Variants in BMPR2 observed in about 807,000 individuals in gnomAD.
The protein encoded by BMPR2 is bone morphogenetic protein receptor type 2.
Under a neutral mutation model 100.8 loss-of-function variants are expected in BMPR2, and 29 were observed. That is an observed-to-expected ratio of 0.29 (90% CI 0.21 to 0.39). BMPR2 has a LOEUF of 0.39. Ranked by LOEUF, BMPR2 falls within the 10% of genes least tolerant of loss-of-function variation. The pLI is 1.00. For synonymous variants in BMPR2, 382 were observed against 442.3 expected, an observed-to-expected ratio of 0.86 and a Z score of 1.71; for missense variants, 1,011 against 1,274.5, an observed-to-expected ratio of 0.79 and a Z score of 3.15.
intron 5 of BMPR2, 118 bp downstream of exon 5, chr2:202,515,097 C>T (rs1687689692): frequency 2.7e-6 from 3 of 1,093,840 alleles, no homozygotes; most frequent in South Asian, 1.3e-5. Flanking sequence ...TACTAAATTA[C>T]AATTTTTTGT....
chr2:202,376,817 C>T lies in BMPR2; in HGVS notation c.-658C>T, dbSNP rs1690156880. 2 of 403,376 alleles carry T rather than the reference C, an allele frequency of 5.0e-6. No individual in the cohort carries two copies. The allele number at this position is 403,376 out of a possible 1,614,324, so 25.0% of individuals were successfully genotyped here. On this transcript the variant is annotated 5_prime_UTR_variant, in exon 1 of 13. Coordinates refer to ENST00000374580, the MANE Select transcript of BMPR2 (RefSeq NM_001204.7). ...TCTCCTCAGCCTTCGCCAGGGCCTC[C>T]CCAACCCTCTCACGGTTGTTCTGCG...
chr2:202,440,367 C>T lies in BMPR2; in HGVS notation c.77-24442C>T, dbSNP rs1204630602. ...GCACAGGCGCTCCTCACATCCCAGA[C>T]GGGGCGGCGGGGCAGAGGCGCTCCC... On this transcript the variant is annotated intron_variant, in intron 1 of 12. Transcript: ENST00000374580. Among the ~76,000 whole-genome samples the T allele has an allele frequency of 4.1e-5, 6 of 148,136 alleles. 1 individual carries two copies. Among genetic ancestry groups the T allele is most frequent in the African/African-American group, 1.3e-4 (5 of 38,446 alleles).
intron 1 of BMPR2, among the ~76,000 whole-genome samples, chr2:202,454,932 G>C (rs1303303416): frequency 6.6e-6 from 1 of 152,140 alleles, no homozygotes; most frequent in Non-Finnish European, 1.5e-5. Flanking sequence ...CCTGGTAAGG[G>C]CTCTATTCCT....
chr2:202,550,268 G>A (rs1036533714), intron 10 of BMPR2, among the ~76,000 whole-genome samples: 2 of 151,642 alleles, frequency 1.3e-5, no homozygotes, highest in African/African-American at 2.4e-5. Flanking sequence ...AGCTACTCGC[G>A]AGGCTGAGGC....
At position 202,440,376 on chromosome 2, in the gene BMPR2, G is replaced by C. The variant is rs964280060; in HGVS notation, c.77-24433G>C. Among the ~76,000 whole-genome samples the C allele has an allele frequency of 2.7e-5, 4 of 148,174 alleles. 1 individual carries two copies. The highest frequency in any genetic ancestry group is 1.0e-4 in the African/African-American group (4 of 38,484). ...CTCCTCACATCCCAGACGGGGCGGCGGGGCAGAGGCGCTCCCCACATCTCA... is the reference window on the plus strand; with the variant it reads ...CTCCTCACATCCCAGACGGGGCGGCCGGGCAGAGGCGCTCCCCACATCTCA... On this transcript the variant is annotated intron_variant, in intron 1 of 12. Transcript: ENST00000374580.
chr2:202,424,474 G>T (rs970860164), intron 1 of BMPR2, among the ~76,000 whole-genome samples: 1 of 151,060 alleles, frequency 6.6e-6, no homozygotes, highest in African/African-American at 2.4e-5. Flanking sequence ...GAGGCGGGTG[G>T]ATCACGAGGC....
chr2:202,406,753 C>T (rs909463775), intron 1 of BMPR2, among the ~76,000 whole-genome samples: 7 of 152,110 alleles, frequency 4.6e-5, no homozygotes, highest in African/African-American at 1.4e-4. Context: ...GAGGCTGTGA[C>T]TTGGTAATTC....
At chr2:202,486,973 A>G (rs75040639) in intron 3 of BMPR2, among the ~76,000 whole-genome samples, 15,138 of 152,222 alleles carry the variant, frequency 0.099, 989 homozygotes, top group South Asian at 0.25. Context: ...TGGAGGCTAC[A>G]GTGAGCTGTG....
At chr2:202,517,221 T>TAAA (rs757696369) in intron 5 of BMPR2, among the ~76,000 whole-genome samples, 26 of 130,182 alleles carry the variant, frequency 2.0e-4, no homozygotes, top group African/African-American at 7.1e-4. Context: ...CTATCTCAAT[T>TAAA]AAAAAAAAAA....
rs539956230 is a variant in BMPR2 at position 202,490,498 on chromosome 2, A to G, written c.418+22809A>G. On this transcript the variant is annotated intron_variant, in intron 3 of 12. Transcript: ENST00000374580. ...GAAAATAAGTTCTTTGCATGTAAGA[A>G]TGGACATCCAAAATGTACCCACAAT... is the stretch of plus-strand genomic sequence containing the variant. Among the ~76,000 whole-genome samples the G allele has an allele frequency of 2.0e-5, 3 of 152,360 alleles. No homozygotes were observed. The East Asian group carries it at 5.8e-4, about 29-fold the overall frequency.
At chr2:202,435,402 T>TATATAC (rs1691596786) in intron 1 of BMPR2, among the ~76,000 whole-genome samples, 1 of 141,530 alleles carries the variant, frequency 7.1e-6, no homozygotes, top group Non-Finnish European at 1.5e-5. Flanking sequence ...TATATATATA[T>TATATAC]ATATATGTTT....
At chr2:202,556,666 G>T in intron 12 of BMPR2, 135 bp downstream of exon 12, 1 of 1,169,542 alleles carries the variant, frequency 8.6e-7, no homozygotes, top group Non-Finnish European at 1.2e-6. Flanking sequence ...TCCATTTGAG[G>T]CGGGGCACAG....
intron 1 of BMPR2, among the ~76,000 whole-genome samples, chr2:202,378,491 T>C (rs960977490): frequency 2.2e-4 from 33 of 152,336 alleles, no homozygotes; most frequent in African/African-American, 7.7e-4. Flanking sequence ...TTTTTTTCTT[T>C]TGATAAGTGT....
chr2:202,425,544 G>T (rs999102189), intron 1 of BMPR2, among the ~76,000 whole-genome samples: 1 of 152,146 alleles, frequency 6.6e-6, no homozygotes, highest in African/African-American at 2.4e-5. Flanking sequence ...CGAGATTAAA[G>T]GATATGAGGA....
In BMPR2 at chr2:202,561,124, TC is replaced by T. The variant is rs1024504347; in HGVS notation, c.*1180del. On this transcript the variant is annotated 3_prime_UTR_variant, in exon 13 of 13. Transcript: ENST00000374580. Reference sequence around the variant, plus strand: ...ACTGGTGACTTTATCTGAAAATGATTCCTCTTCCCATGACCTAAAACACTGT... The same window carrying T: ...ACTGGTGACTTTATCTGAAAATGATTCTCTTCCCATGACCTAAAACACTGT... The T allele has an allele frequency of 1.3e-5, 2 of 152,160 alleles. No homozygotes were observed. Among genetic ancestry groups the T allele is most frequent in the African/African-American group, 4.8e-5 (2 of 41,454 alleles). 9.4% of individuals were successfully genotyped at this position (152,160 alleles called of 1,614,324 possible). A position where few individuals can be genotyped will look rare whatever the true frequency, so the allele number is the denominator to read the frequency against.
At chr2:202,412,606 A>G (rs1691036806) in intron 1 of BMPR2, among the ~76,000 whole-genome samples, 1 of 152,200 alleles carries the variant, frequency 6.6e-6, no homozygotes, top group Non-Finnish European at 1.5e-5. Context: ...GGCGTGAGCC[A>G]CCGTGCCCGG....
At chr2:202,456,734 T>C (rs1175983270) in intron 1 of BMPR2, among the ~76,000 whole-genome samples, 1 of 152,098 alleles carries the variant, frequency 6.6e-6, no homozygotes, top group Non-Finnish European at 1.5e-5. Context: ...AGGCTGGTCT[T>C]GAACTCCTGA....
chr2:202,535,610 C>T (rs1289320476), intron 9 of BMPR2, among the ~76,000 whole-genome samples: 12 of 147,466 alleles, frequency 8.1e-5, no homozygotes, highest in Middle Eastern at 3.7e-3. Flanking sequence ...ACTGGGCAGC[C>T]GGGCAGAGGG....
chr2:202,377,290 AT>A lies in BMPR2; in HGVS notation c.-182del. On this transcript the variant is annotated 5_prime_UTR_variant, in exon 1 of 13. An upstream open reading frame in the 5' UTR loses its in-frame stop. Transcript: ENST00000374580. ...GCCGCGAGGGAGAGAAATGAAGGGA[AT>A]TTCTGCAGCGGCATGAAAGCTCTGC... is the stretch of plus-strand genomic sequence containing the variant. 1 of 668,798 alleles carries A rather than the reference AT, an allele frequency of 1.5e-6. No individual in the cohort carries two copies. Among genetic ancestry groups the A allele is most frequent in the Non-Finnish European group, 2.7e-6 (1 of 367,412 alleles). 41.4% of individuals were successfully genotyped at this position (668,798 alleles called of 1,614,324 possible).
Sources: gnomAD v4.1 joint callset for allele counts (sites outside exome capture counted in the v4.1 genomes callset) on GRCh38, gnomAD v4.1.1 for gene constraint, MANE v1.5 for transcripts, NCBI Gene and HGNC (gene_info 2026-07-23, HGNC 2026-07-21) for gene names.